Variants in SNX30 observed in about 807,000 individuals in gnomAD.
The protein encoded by SNX30 is sorting nexin family member 30.
SNX30 carries 24 observed loss-of-function variants against 46.4 expected under a neutral mutation model. That is an observed-to-expected ratio of 0.52 (90% CI 0.37 to 0.73). The LOEUF is 0.73. Ranked by LOEUF, SNX30 falls within the 30% of genes least tolerant of loss-of-function variation. The pLI, the probability that SNX30 is intolerant of heterozygous loss-of-function variation, is 0.00. For synonymous variants in SNX30, 189 were observed against 211.5 expected (o/e 0.89, Z 0.92); for missense variants, 533 against 555.7 (o/e 0.96, Z 0.41).
chr9:112,878,664 TAGAC>T (rs1227291996), downstream of SNX30: 1 of 152,250 alleles, frequency 6.6e-6, no homozygotes, highest in African/African-American at 2.4e-5. Context: ...CTTCACCTGA[TAGAC>T]AGTACACTGT....
chr9:112,857,934 C>T (rs942241848), intron 7 of SNX30, among the ~76,000 whole-genome samples: 2 of 152,218 alleles, frequency 1.3e-5, no homozygotes, highest in Non-Finnish European at 2.9e-5. Flanking sequence ...TTCCCCAGCA[C>T]ACAGAAATGC....
At position 112,869,109 on chromosome 9, in the gene SNX30, G is replaced by A. The variant is rs1841405582; in HGVS notation, c.*266G>A. 2 of 420,116 alleles carry A rather than the reference G, an allele frequency of 4.8e-6. No individual in the cohort carries two copies. The highest frequency in any genetic ancestry group is 8.8e-6 in the Non-Finnish European group (2 of 228,044). 26.0% of individuals were successfully genotyped at this position (420,116 alleles called of 1,614,324 possible). ...AGGCATCTGTTCAGTGAAGCACTAC[G>A]AAAATTTGAAACCAAGGGACAAGAC... On this transcript the variant is annotated 3_prime_UTR_variant, in exon 9 of 9. Coordinates refer to ENST00000374232, the MANE Select transcript of SNX30 (RefSeq NM_001012994.2).
intron 4 of SNX30, among the ~76,000 whole-genome samples, chr9:112,832,980 C>T (rs150532669): frequency 4.6e-5 from 7 of 151,612 alleles, no homozygotes; most frequent in African/African-American, 1.7e-4. Flanking sequence ...AGCCCTAATT[C>T]AGTATCGCTT....
intron 1 of SNX30, among the ~76,000 whole-genome samples, chr9:112,768,647 C>CTTCTTCTTCTTTTTTTTTTTT (rs1554748345): frequency 1.6e-5 from 1 of 64,358 alleles, no homozygotes; most frequent in Non-Finnish European, 3.3e-5. Context: ...ATTCTTTCTT[C>CTTCTTCTTCTTTTTTTTTTTT]TTTTTTTTTT....
At chr9:112,780,870 T>C (rs117853332) in intron 1 of SNX30, among the ~76,000 whole-genome samples, 1 of 152,344 alleles carries the variant, frequency 6.6e-6, no homozygotes, top group East Asian at 1.9e-4. Context: ...TCTGAATCTT[T>C]GTCCCCGGCT....
At position 112,873,642 on chromosome 9, in the gene SNX30, T is replaced by C. The variant is rs1376373688; in HGVS notation, c.*4799T>C. Reference sequence around the variant, plus strand: ...AAACACAGGGACCACAAAACCTTTTTTTTTTTTTTAAGTGTGAAAGATTAG... The same window carrying C: ...AAACACAGGGACCACAAAACCTTTTCTTTTTTTTTAAGTGTGAAAGATTAG... On this transcript the variant is annotated 3_prime_UTR_variant, in exon 9 of 9. Coordinates refer to ENST00000374232, the MANE Select transcript of SNX30 (RefSeq NM_001012994.2). The C allele has an allele frequency of 1.3e-5, 2 of 152,150 alleles. No homozygotes were observed. The highest frequency in any genetic ancestry group is 2.9e-5 in the Non-Finnish European group (2 of 68,020). The allele number at this position is 152,150 out of a possible 1,614,324, so 9.4% of individuals were successfully genotyped here.
At chr9:112,879,650 C>A, downstream of SNX30, 4 of 958,008 alleles carry the variant, frequency 4.2e-6, 1 homozygote, top group South Asian at 6.5e-5. Context: ...CTGGCTGGAA[C>A]GCAGGTTTCT....
Position 112,832,451 on chromosome 9 carries a change from AGAGAGAGAGTGTGT to A in SNX30, c.618+1570_618+1583del, listed in dbSNP as rs1231967583. Reference sequence around the variant, plus strand: ...AGGAAAGAGAGAGAGAGAGAGAGAGAGAGAGAGAGTGTGTGTGTGTGTGTGTGTGTGTGTGTGTG... The same window carrying A: ...AGGAAAGAGAGAGAGAGAGAGAGAGAGTGTGTGTGTGTGTGTGTGTGTGTG... On this transcript the variant is annotated intron_variant, in intron 4 of 8. Transcript: ENST00000374232. Among the ~76,000 whole-genome samples the A allele has an allele frequency of 5.5e-3, 720 of 129,914 alleles. 14 individuals are homozygous for A. The highest frequency in any genetic ancestry group is 0.021 in the African/African-American group (703 of 34,292). 85.2% of individuals were successfully genotyped at this position (129,914 alleles called of 152,430 possible). A position where few individuals can be genotyped will look rare whatever the true frequency, so the allele number is the denominator to read the frequency against.
At chr9:112,821,587 C>T (rs1252714927) in intron 3 of SNX30, among the ~76,000 whole-genome samples, 2 of 149,138 alleles carry the variant, frequency 1.3e-5, no homozygotes, top group African/African-American at 5.0e-5. Context: ...CCCGGGTTCA[C>T]GTCATTCTCC....
intron 1 of SNX30, among the ~76,000 whole-genome samples, chr9:112,787,015 A>C (rs1839940416): frequency 6.6e-6 from 1 of 152,128 alleles, no homozygotes; most frequent in African/African-American, 2.4e-5. Context: ...ATTCGGTCTG[A>C]GTCATGTCAG....
At chr9:112,805,004 G>C (rs1319481866) in intron 2 of SNX30, 37 bp downstream of exon 2, 1 of 1,508,168 alleles carries the variant, frequency 6.6e-7, no homozygotes, top group Admixed American at 1.9e-5. Context: ...GTGTTGAGTG[G>C]TCTCGGGGAA....
chr9:112,778,899 G>C (rs554644911), intron 1 of SNX30, among the ~76,000 whole-genome samples: 9 of 151,974 alleles, frequency 5.9e-5, no homozygotes, highest in African/African-American at 1.5e-4. Context: ...CTTGGGGGGG[G>C]GGGATTTGCA....
intron 7 of SNX30, among the ~76,000 whole-genome samples, chr9:112,858,407 C>T (rs1025518179): frequency 6.6e-6 from 1 of 151,928 alleles, no homozygotes; most frequent in African/African-American, 2.4e-5. Context: ...TACAGCTACT[C>T]GGGAGGCTGA....
At chr9:112,795,541 G>T (rs1020290871) in intron 1 of SNX30, among the ~76,000 whole-genome samples, 1 of 152,142 alleles carries the variant, frequency 6.6e-6, no homozygotes, top group African/African-American at 2.4e-5. Flanking sequence ...TCTGGAGTAT[G>T]TGGCAAGGTC....
downstream of SNX30, chr9:112,879,866 G>A (rs1188818549): frequency 1.9e-6 from 3 of 1,562,010 alleles, no homozygotes; most frequent in East Asian, 2.3e-5. Context: ...GCTGGAATGG[G>A]GTAAAGGTGA....
chr9:112,831,078 A>G (rs1840652767), intron 4 of SNX30, among the ~76,000 whole-genome samples, 195 bp downstream of exon 4: 2 of 151,196 alleles, frequency 1.3e-5, no homozygotes, highest in Non-Finnish European at 2.9e-5. Flanking sequence ...TTGAGGCTTC[A>G]GTGAGCTATG....
At chr9:112,779,926 C>G (rs787298) in intron 1 of SNX30, among the ~76,000 whole-genome samples, 1 of 152,104 alleles carries the variant, frequency 6.6e-6, no homozygotes, top group Non-Finnish European at 1.5e-5. Context: ...GGAGCAACGA[C>G]AGGCTGTCAC....
At chr9:112,826,908 G>A (rs186980749) in intron 3 of SNX30, among the ~76,000 whole-genome samples, 6 of 152,314 alleles carry the variant, frequency 3.9e-5, no homozygotes, top group East Asian at 1.9e-4. Flanking sequence ...TGAGTGGCCC[G>A]TCTGTCTGAT....
chr9:112,836,590 C>G (rs553640815), intron 5 of SNX30, among the ~76,000 whole-genome samples, 181 bp downstream of exon 5: 143 of 152,290 alleles, frequency 9.4e-4, no homozygotes, highest in Non-Finnish European at 1.9e-3. Context: ...CACTTTGCAC[C>G]CCGTCCTTTG....
Sources: gnomAD v4.1 joint callset for allele counts (sites outside exome capture counted in the v4.1 genomes callset) on GRCh38, gnomAD v4.1.1 for gene constraint, MANE v1.5 for transcripts, NCBI Gene and HGNC (gene_info 2026-07-23, HGNC 2026-07-21) for gene names.